Variants in PACS2 observed in about 807,000 individuals in gnomAD.
The protein encoded by PACS2 is PACS1-like protein.
In PACS2, 36 loss-of-function variants were observed where a neutral mutation model predicts 113.0. That is an observed-to-expected ratio of 0.32 (90% CI 0.24 to 0.42). The LOEUF (loss-of-function observed/expected upper bound fraction) is 0.42, where lower values mean the gene tolerates loss of function less well. Ranked by LOEUF, PACS2 falls within the 10% of genes least tolerant of loss-of-function variation. PACS2 has a pLI of 1.00. For synonymous variants in PACS2, 589 were observed against 536.1 expected, an observed-to-expected ratio of 1.10 and a Z score of -1.36; for missense variants, 1,015 against 1,239.5, an observed-to-expected ratio of 0.82 and a Z score of 2.72.
chr14:105,310,800 A>G (rs7154900), upstream of PACS2, among the ~76,000 whole-genome samples: 966 of 152,346 alleles, frequency 6.3e-3, 4 homozygotes, highest in Non-Finnish European at 9.4e-3. Context: ...GGAGAAACCA[A>G]ATCAATGGAA....
At chr14:105,312,159 C>T (rs1253599510), upstream of PACS2, among the ~76,000 whole-genome samples, 1 of 152,210 alleles carries the variant, frequency 6.6e-6, no homozygotes, top group African/African-American at 2.4e-5. Flanking sequence ...ATGGTCCTGG[C>T]GCCCGACTGG....
chr14:105,388,229 AG>A (rs2081243033), intron 19 of PACS2, among the ~76,000 whole-genome samples: 1 of 151,610 alleles, frequency 6.6e-6, no homozygotes, highest in African/African-American at 2.4e-5. Flanking sequence ...GGAGCCGTCC[AG>A]GTTGGCGTCT....
rs782663618 is a variant in PACS2 at position 105,384,999 on chromosome 14, G to A, written c.2000+12G>A. 1.2e-4 allele frequency: 182 copies of A among 1,490,278 alleles called. No individual in the cohort carries two copies. Among genetic ancestry groups the A allele is most frequent in the Non-Finnish European group, 1.7e-4 (181 of 1,089,742 alleles). The allele number at this position is 1,490,278 out of a possible 1,614,324, so 92.3% of individuals were successfully genotyped here. Reference sequence around the variant, plus strand: ...TACAAGCAGAAGAGGTAACGCGGTGGGCCCAGGCACCATACCACAGGCTGC... The same window carrying A: ...TACAAGCAGAAGAGGTAACGCGGTGAGCCCAGGCACCATACCACAGGCTGC... On this transcript the variant is annotated intron_variant, in intron 18 of 24. Transcript: ENST00000447393.
At chr14:105,331,668 A>AG (rs2059307763) in intron 1 of PACS2, among the ~76,000 whole-genome samples, 1 of 152,248 alleles carries the variant, frequency 6.6e-6, no homozygotes, top group South Asian at 2.1e-4. Flanking sequence ...AGGCCTGTTG[A>AG]CATTTAAGGA....
At chr14:105,347,385 C>T (rs1555402908) in intron 1 of PACS2, among the ~76,000 whole-genome samples, 3 of 152,120 alleles carry the variant, frequency 2.0e-5, no homozygotes, top group Admixed American at 6.5e-5. Context: ...ACACCCAATG[C>T]CCAGGGGTGG....
chr14:105,389,501 G>GAGGGCCCA lies in PACS2; in HGVS notation c.2034-459_2034-452dup, dbSNP rs1237840442. Reference sequence around the variant, plus strand: ...GGCTTTGGTGCTGCTGATTACCAGAGAGGGCCCAGGCTCTTCCTGGGAGTC... The same window carrying GAGGGCCCA: ...GGCTTTGGTGCTGCTGATTACCAGAGAGGGCCCAAGGGCCCAGGCTCTTCCTGGGAGTC... On this transcript the variant is annotated intron_variant, in intron 19 of 24. Coordinates refer to ENST00000447393, the MANE Select transcript of PACS2 (RefSeq NM_001100913.3). The GAGGGCCCA allele has an allele frequency of 6.6e-5, 12 of 181,482 alleles. No homozygotes were observed. In the East Asian group the frequency reaches 1.6e-3, roughly 24 times the overall value. The allele number at this position is 181,482 out of a possible 1,614,324, so 11.2% of individuals were successfully genotyped here.
Position 105,376,986 on chromosome 14 carries a change from G to T in PACS2, c.959+61G>T. The T allele has an allele frequency of 6.7e-7, 1 of 1,498,664 alleles. No individual in the cohort carries two copies. 92.8% of individuals were successfully genotyped at this position (1,498,664 alleles called of 1,614,324 possible). On this transcript the variant is annotated intron_variant, in intron 9 of 24. Transcript: ENST00000447393. The surrounding 1 kb of genome is among the most constrained non-coding windows in gnomAD (Gnocchi z 4.7). ...ATTTCAGATGCCCCGGCCACTCTGCGACCACTCTGGCAGACCCATGTCCAG... is the reference window on the plus strand; with the variant it reads ...ATTTCAGATGCCCCGGCCACTCTGCTACCACTCTGGCAGACCCATGTCCAG...
chr14:105,332,149 CTCAG>C (rs1234285717), intron 1 of PACS2, among the ~76,000 whole-genome samples: 2 of 152,218 alleles, frequency 1.3e-5, no homozygotes, highest in Admixed American at 1.3e-4. Flanking sequence ...TGGAAGAATC[CTCAG>C]TCAGACATTG....
rs1364579658 is a variant in PACS2 at position 105,354,162 on chromosome 14, A to G, written c.298-890A>G. 2.0e-5 allele frequency among the ~76,000 whole-genome samples: 3 copies of G among 152,130 alleles called. No homozygotes were observed. Among genetic ancestry groups the G allele is most frequent in the African/African-American group, 7.2e-5 (3 of 41,420 alleles). ...CAAGGCTATTTTGCTCTTCTATTTAAAAAGATAGGGGAAACTCAGAGTTCA... is the reference window on the plus strand; with the variant it reads ...CAAGGCTATTTTGCTCTTCTATTTAGAAAGATAGGGGAAACTCAGAGTTCA... On this transcript the variant is annotated intron_variant, in intron 3 of 24. Transcript: ENST00000447393. This position sits in a 1 kb window ranked among gnomAD's most constrained non-coding sequence, Gnocchi z 4.2.
intron 2 of PACS2, among the ~76,000 whole-genome samples, chr14:105,351,979 G>A (rs1055054115): frequency 3.3e-5 from 5 of 152,230 alleles, no homozygotes; most frequent in African/African-American, 4.8e-5. Context: ...GCAACACAGC[G>A]AGACCTGTCT....
rs977421435 is a variant in PACS2, at chr14:105,366,924, C to T, written c.424-289C>T. Among the ~76,000 whole-genome samples, 5 of 152,128 alleles carry T rather than the reference C, an allele frequency of 3.3e-5. No individual in the cohort carries two copies. Among genetic ancestry groups the T allele is most frequent in the African/African-American group, 1.2e-4 (5 of 41,408 alleles). On this transcript the variant is annotated intron_variant, in intron 4 of 24. Transcript: ENST00000447393. This position sits in a 1 kb window ranked among gnomAD's most constrained non-coding sequence, Gnocchi z 4.3. The stretch of plus-strand genomic sequence containing the variant: ...CCTCGTGACTGTGCCTGGCACTGGC[C>T]TCTCCAGCACAGCCCAGTGCCCTCT...
At chr14:105,333,039 C>T (rs1000225677) in intron 1 of PACS2, among the ~76,000 whole-genome samples, 3 of 152,150 alleles carry the variant, frequency 2.0e-5, no homozygotes, top group African/African-American at 7.2e-5. Context: ...TGTGCTGGGC[C>T]CCTGGGGGTG....
At chr14:105,371,782 T>C (rs1314817795) in intron 8 of PACS2, 1 of 152,234 alleles carries the variant, frequency 6.6e-6, no homozygotes, top group Non-Finnish European at 1.5e-5. Flanking sequence ...CAAAATACTT[T>C]AGACTGGGAA....
chr14:105,339,285 C>T (rs1044056099), intron 1 of PACS2, among the ~76,000 whole-genome samples: 1 of 149,054 alleles, frequency 6.7e-6, no homozygotes, highest in Non-Finnish European at 1.5e-5. Context: ...GGTGGGGGGA[C>T]CACCTGAGGT....
intron 7 of PACS2, among the ~76,000 whole-genome samples, chr14:105,368,803 A>T (rs1406388019): frequency 6.6e-6 from 1 of 152,204 alleles, no homozygotes; most frequent in Non-Finnish European, 1.5e-5. Context: ...CCTCGCTGCC[A>T]GGCTCACTCC....
chr14:105,342,926 C>T (rs1384316167), intron 1 of PACS2, among the ~76,000 whole-genome samples: 6 of 139,348 alleles, frequency 4.3e-5, no homozygotes, highest in Non-Finnish European at 9.0e-5. Context: ...CAGCAGGACT[C>T]TGTCTTAAAA....
chr14:105,308,262 G>C (rs769476830), intron 1 of PACS2, among the ~76,000 whole-genome samples: 19 of 152,066 alleles, frequency 1.2e-4, no homozygotes, highest in Non-Finnish European at 2.2e-4. Context: ...TGAGAGGATT[G>C]ATTGAGCCCA....
chr14:105,368,719 C>G (rs1332962665), intron 7 of PACS2, among the ~76,000 whole-genome samples, 180 bp downstream of exon 7: 4 of 152,220 alleles, frequency 2.6e-5, no homozygotes, highest in Non-Finnish European at 4.4e-5. Context: ...GTCTCCCCTG[C>G]CTCGCCACAT....
chr14:105,344,806 C>G (rs1169229535), intron 1 of PACS2, among the ~76,000 whole-genome samples: 2 of 152,134 alleles, frequency 1.3e-5, no homozygotes, highest in Non-Finnish European at 2.9e-5. Flanking sequence ...ATATGTTCTT[C>G]TAGTTTCTTA....
Sources: allele counts gnomAD v4.1 joint callset (sites outside exome capture counted in the v4.1 genomes callset), GRCh38; gene constraint gnomAD v4.1.1; non-coding constraint Gnocchi (gnomAD v3.1); transcripts MANE v1.5; gene names NCBI Gene and HGNC (gene_info 2026-07-23, HGNC 2026-07-21).